The following LRATD1 variants were observed in gnomAD, a reference collection of about 807,000 sequenced individuals.
LRATD1 encodes LRAT domain containing 1.
LRATD1 carries 8 observed loss-of-function variants against 21.3 expected under a neutral mutation model. The ratio of observed to expected loss-of-function variants is 0.38; its 90% CI spans 0.22 to 0.68. The LOEUF (loss-of-function observed/expected upper bound fraction) is 0.68. Ranked by LOEUF, LRATD1 falls within the 30% of genes least tolerant of loss-of-function variation. The pLI is 0.54. For synonymous variants in LRATD1, 210 were observed against 186.2 expected (o/e 1.13, Z -1.04); for missense variants, 380 against 404.0 (o/e 0.94, Z 0.51).
downstream of LRATD1, among the ~76,000 whole-genome samples, chr2:14,640,552 T>C (rs1226825878): frequency 6.6e-6 from 1 of 152,242 alleles, no homozygotes; most frequent in East Asian, 1.9e-4. Context: ...CTATTGCTTA[T>C]ATGTATCCTA....
Position 14,634,302 on chromosome 2 carries a change from T to A in LRATD1, c.323T>A (p.Leu108Gln), listed in dbSNP as rs1391788796. ...KVSGGPQGAD[L>Q]SVYAVTALPA... The stretch of plus-strand genomic sequence containing the variant: ...AGCGGTGGCCCTCAGGGCGCCGACC[T>A]AAGCGTCTACGCGGTCACCGCGCTG... The change falls in exon 2 of 2, where the codon CTA becomes CAA. Residue 108 changes from leucine (L) to glutamine (Q), a missense_variant. Physicochemically the swap from Leu to Gln is moderately radical, Grantham distance 113 (BLOSUM62 -2). Transcript: ENST00000295092. 6.2e-7 allele frequency: 1 copy of A among 1,600,980 alleles called. No individual in the cohort carries two copies. The highest frequency in any genetic ancestry group is 1.3e-5 in the African/African-American group (1 of 75,012).
At position 14,634,250 on chromosome 2, in the gene LRATD1, G is replaced by T. The variant is rs745681710; in HGVS notation, c.271G>T (p.Gly91Cys). The change falls in exon 2 of 2, where the codon GGC becomes TGC. Residue 91 changes from glycine to cysteine, a missense_variant. By Grantham distance (159) the Gly-to-Cys change is radical. Coordinates refer to ENST00000295092, the MANE Select transcript of LRATD1 (RefSeq NM_145175.4). ...LNETQFSAFR[G>C]QECIFSKVSG... Reference sequence around the variant, plus strand: ...CGAGACTCAGTTTTCCGCCTTTCGGGGCCAGGAATGCATCTTTTCCAAAGT... The same window carrying T: ...CGAGACTCAGTTTTCCGCCTTTCGGTGCCAGGAATGCATCTTTTCCAAAGT... 3.1e-6 allele frequency: 5 copies of T among 1,609,994 alleles called. No homozygotes were observed. The highest frequency in any genetic ancestry group is 1.3e-5 in the African/African-American group (1 of 74,940).
chr2:14,646,140 G>A (rs1041687407), exon 3 of LRATD1: 1 of 152,000 alleles, frequency 6.6e-6, no homozygotes, highest in Non-Finnish European at 1.5e-5. Flanking sequence ...GAATGCCTGG[G>A]GTATTTATAT....
At chr2:14,641,414 T>C (rs1240808767), downstream of LRATD1, among the ~76,000 whole-genome samples, 1 of 152,164 alleles carries the variant, frequency 6.6e-6, no homozygotes, top group East Asian at 1.9e-4. Flanking sequence ...ATCCTTTACC[T>C]GGGGATATGA....
chr2:14,633,713 C>T lies in LRATD1; in HGVS notation c.-36-231C>T, dbSNP rs1671604909. 2.1e-6 allele frequency: 1 copy of T among 466,038 alleles called. No homozygotes were observed. The highest frequency in any genetic ancestry group is 4.3e-5 in the South Asian group (1 of 22,996). The allele number at this position is 466,038 out of a possible 1,614,324, so 28.9% of individuals were successfully genotyped here. On this transcript the variant is annotated intron_variant, in intron 1 of 1. Coordinates refer to ENST00000295092, the MANE Select transcript of LRATD1 (RefSeq NM_145175.4). This position sits in a 1 kb window ranked among gnomAD's most constrained non-coding sequence, Gnocchi z 7.5. The stretch of plus-strand genomic sequence containing the variant: ...TTCTTCTGGGAGTTGGACCGAGTTC[C>T]CGGAAGGGGTCGGAGGCTGTGTGGT...
rs1671607632 is a variant in LRATD1 at position 14,633,801 on chromosome 2, G to A, written c.-36-143G>A. ...CCCCTCGTACCCCTGGGGAGGCACG[G>A]AGGACTCGGCTGGAAAGGGTGACTC... On this transcript the variant is annotated intron_variant, in intron 1 of 1. Transcript: ENST00000295092. This position sits in a 1 kb window ranked among gnomAD's most constrained non-coding sequence, Gnocchi z 7.5. 7 of 806,800 alleles carry A rather than the reference G, an allele frequency of 8.7e-6. 1 individual carries two copies. Among genetic ancestry groups the A allele is most frequent in the Middle Eastern group, 7.4e-4 (2 of 2,690 alleles). 50.0% of individuals were successfully genotyped at this position (806,800 alleles called of 1,614,324 possible). A position where few individuals can be genotyped will look rare whatever the true frequency, so the allele number is the denominator to read the frequency against.
chr2:14,635,638 G>A lies in LRATD1; in HGVS notation c.*780G>A, dbSNP rs1671672936. On this transcript the variant is annotated 3_prime_UTR_variant, in exon 2 of 2. Transcript: ENST00000295092. ...GGTCCCGGGAGGAAGATGGCGCTGC[G>A]AATTCGGTGAGGACAGCCGGCCCCG... is the stretch of plus-strand genomic sequence containing the variant. 2.1e-6 allele frequency: 1 copy of A among 470,580 alleles called. No individual in the cohort carries two copies. The highest frequency in any genetic ancestry group is 4.4e-6 in the Non-Finnish European group (1 of 226,852). 29.2% of individuals were successfully genotyped at this position (470,580 alleles called of 1,614,324 possible).
In LRATD1 at chr2:14,635,248, A is replaced by C; in HGVS notation, c.*390A>C. The C allele has an allele frequency of 1.9e-6, 1 of 518,642 alleles. No homozygotes were observed. The highest frequency in any genetic ancestry group is 3.9e-6 in the Non-Finnish European group (1 of 258,404). 32.1% of individuals were successfully genotyped at this position (518,642 alleles called of 1,614,324 possible). A position where few individuals can be genotyped will look rare whatever the true frequency, so the allele number is the denominator to read the frequency against. On this transcript the variant is annotated 3_prime_UTR_variant, in exon 2 of 2. Coordinates refer to ENST00000295092, the MANE Select transcript of LRATD1 (RefSeq NM_145175.4). The stretch of plus-strand genomic sequence containing the variant: ...GACTCGAAAACAACCCTCTTCTCAA[A>C]AGGGACCATCACCGCCCCGAGCGTG...
Position 14,632,898 on chromosome 2 carries a change from T to A in LRATD1, c.-76T>A, listed in dbSNP as rs1276505267. ...TCAGCACCCATGGGGACCAGGAGAC[T>A]TTAAAGGAGTTTGGGGTTTCGGGAG... On this transcript the variant is annotated 5_prime_UTR_variant, in exon 1 of 2. Coordinates refer to ENST00000295092, the MANE Select transcript of LRATD1 (RefSeq NM_145175.4). 2 of 152,698 alleles carry A rather than the reference T, an allele frequency of 1.3e-5. No homozygotes were observed. The highest frequency in any genetic ancestry group is 2.9e-5 in the Non-Finnish European group (2 of 68,440). The allele number at this position is 152,698 out of a possible 1,614,324, so 9.5% of individuals were successfully genotyped here. A position where few individuals can be genotyped will look rare whatever the true frequency, so the allele number is the denominator to read the frequency against.
chr2:14,635,608 G>A lies in LRATD1; in HGVS notation c.*750G>A, dbSNP rs970601390. 2.1e-6 allele frequency: 1 copy of A among 471,024 alleles called. No homozygotes were observed. Among genetic ancestry groups the A allele is most frequent in the Non-Finnish European group, 4.4e-6 (1 of 227,018 alleles). 29.2% of individuals were successfully genotyped at this position (471,024 alleles called of 1,614,324 possible). A position where few individuals can be genotyped will look rare whatever the true frequency, so the allele number is the denominator to read the frequency against. On this transcript the variant is annotated 3_prime_UTR_variant, in exon 2 of 2. Coordinates refer to ENST00000295092, the MANE Select transcript of LRATD1 (RefSeq NM_145175.4). ...CTCCCTCGCTGGCAGAAGGGAAGCC[G>A]GCCCGGTCCCGGGAGGAAGATGGCG...
chr2:14,649,403 C>T (rs973580943), exon 5 of LRATD1: 2 of 456,032 alleles, frequency 4.4e-6, no homozygotes, highest in Non-Finnish European at 8.8e-6. Context: ...ACCCCCTCGA[C>T]CTGGGTGAAT....
downstream of LRATD1, among the ~76,000 whole-genome samples, chr2:14,644,479 G>T (rs1170634113): frequency 6.6e-6 from 1 of 152,124 alleles, no homozygotes; most frequent in African/African-American, 2.4e-5. Context: ...GTCTTATGAA[G>T]TCTGTAGAAG....
At position 14,633,920 on chromosome 2, in the gene LRATD1, C is replaced by A. The variant is rs1671611303; in HGVS notation, c.-36-24C>A. ...GGGGCAGCCCGGACTCTGACGGTGT[C>A]TCTGCCTCTCTGTGCCTCCGCAGAT... is the stretch of plus-strand genomic sequence containing the variant. On this transcript the variant is annotated intron_variant, in intron 1 of 1. Transcript: ENST00000295092. This position sits in a 1 kb window ranked among gnomAD's most constrained non-coding sequence, Gnocchi z 7.5. 3 of 1,555,862 alleles carry A rather than the reference C, an allele frequency of 1.9e-6. No homozygotes were observed. Among genetic ancestry groups the A allele is most frequent in the South Asian group, 1.2e-5 (1 of 81,418 alleles).
Position 14,635,266 on chromosome 2 carries a change from C to G in LRATD1, c.*408C>G, listed in dbSNP as rs1285909493. 8 of 504,770 alleles carry G rather than the reference C, an allele frequency of 1.6e-5. No homozygotes were observed. The highest frequency in any genetic ancestry group is 7.7e-5 in the South Asian group (5 of 64,842). 31.3% of individuals were successfully genotyped at this position (504,770 alleles called of 1,614,324 possible). A position where few individuals can be genotyped will look rare whatever the true frequency, so the allele number is the denominator to read the frequency against. ...TTCTCAAAAGGGACCATCACCGCCC[C>G]GAGCGTGCGCACACAGACCGGTCGG... On this transcript the variant is annotated 3_prime_UTR_variant, in exon 2 of 2. Transcript: ENST00000295092.
Position 14,634,780 on chromosome 2 carries a change from C to G in LRATD1, c.801C>G (p.Arg267=). Reference sequence around the variant, plus strand: ...TTCACAGCCTGGAAGACCTCATCCGCGAGAAGCGCCGTATCGACGCCAGCG... The same window carrying G: ...TTCACAGCCTGGAAGACCTCATCCGGGAGAAGCGCCGTATCGACGCCAGCG... The part of the protein sequence containing the change: ...ARFHSLEDLI[R]EKRRIDASGR... Residue 267 remains arginine, a synonymous_variant, in exon 2 of 2, where the codon CGC becomes CGG. Transcript: ENST00000295092. 6.3e-7 allele frequency: 1 copy of G among 1,599,168 alleles called. No individual in the cohort carries two copies. The highest frequency in any genetic ancestry group is 8.5e-7 in the Non-Finnish European group (1 of 1,171,824).
In LRATD1 at chr2:14,634,256, G is replaced by C; in HGVS notation, c.277G>C (p.Glu93Gln). The C allele has an allele frequency of 1.2e-6, 2 of 1,609,576 alleles. No individual in the cohort carries two copies. The highest frequency in any genetic ancestry group is 1.7e-6 in the Non-Finnish European group (2 of 1,179,744). ...ETQFSAFRGQ[E>Q]CIFSKVSGGP... is the part of the protein sequence containing the mutation. ...TCAGTTTTCCGCCTTTCGGGGCCAG[G>C]AATGCATCTTTTCCAAAGTGAGCGG... Residue 93 changes from glutamate (E) to glutamine (Q), a missense_variant, in exon 2 of 2, where the codon GAA becomes CAA. Transcript: ENST00000295092.
At chr2:14,646,291 C>A (rs1671893402) in intron 3 of LRATD1, 1 of 152,152 alleles carries the variant, frequency 6.6e-6, no homozygotes. Context: ...ACACTAACCA[C>A]CTATACTTGA....
chr2:14,642,358 T>C (rs1671822071), downstream of LRATD1, among the ~76,000 whole-genome samples: 1 of 152,200 alleles, frequency 6.6e-6, no homozygotes, highest in African/African-American at 2.4e-5. Flanking sequence ...GTTTCATTAC[T>C]ATGGAAATAT....
Position 14,634,688 on chromosome 2 carries a change from C to A in LRATD1, c.709C>A (p.Gln237Lys). ...KAGGEVPAGTQPPQQQYYLKV... is the reference protein window; with the variant it reads ...KAGGEVPAGTKPPQQQYYLKV... ...GGGAGGGGAGGTGCCGGCAGGCACG[C>A]AGCCCCCGCAGCAGCAGTACTATCT... The change falls in exon 2 of 2, where the codon CAG (glutamine) becomes AAG (lysine). Residue 237 changes from glutamine (Q) to lysine (K), a missense_variant. Coordinates refer to ENST00000295092, the MANE Select transcript of LRATD1 (RefSeq NM_145175.4). 1 of 1,546,002 alleles carries A rather than the reference C, an allele frequency of 6.5e-7. No homozygotes were observed. The highest frequency in any genetic ancestry group is 8.7e-7 in the Non-Finnish European group (1 of 1,145,112).
Sources: allele counts gnomAD v4.1 joint callset (sites outside exome capture counted in the v4.1 genomes callset), GRCh38; gene constraint gnomAD v4.1.1; non-coding constraint Gnocchi (gnomAD v3.1); transcripts MANE v1.5; gene names NCBI Gene and HGNC (gene_info 2026-07-23, HGNC 2026-07-21).